Variants in NAALADL2 observed in about 807,000 individuals in gnomAD.
NAALADL2 encodes the protein N-acetylated alpha-linked acidic dipeptidase like 2.
A neutral mutation model predicts 87.2 loss-of-function variants in NAALADL2; 76 were observed. The observed-to-expected ratio is 0.87, with a 90% CI of 0.72 to 1.05. The LOEUF is 1.05. Ranked by LOEUF, NAALADL2 falls within the 50% of genes least tolerant of loss-of-function variation. The pLI is 0.00. For synonymous variants in NAALADL2, 354 were observed against 331.0 expected (o/e 1.07, Z -0.75); for missense variants, 1,089 against 945.8 (o/e 1.15, Z -1.99).
intron 1 of NAALADL2, among the ~76,000 whole-genome samples, chr3:174,495,226 G>T (rs1718449877): frequency 6.9e-6 from 1 of 144,760 alleles, no homozygotes; most frequent in South Asian, 2.2e-4. Context: ...TCAGCAATAT[G>T]TGTAGAGTTG....
At chr3:175,462,953 A>G (rs1173620158) in intron 6 of NAALADL2, among the ~76,000 whole-genome samples, 2 of 152,228 alleles carry the variant, frequency 1.3e-5, no homozygotes, top group Non-Finnish European at 2.9e-5. Flanking sequence ...TGTTAATAAA[A>G]TAGTGAGTCA....
chr3:175,291,937 T>C (rs1161097473), intron 4 of NAALADL2, among the ~76,000 whole-genome samples: 1 of 152,236 alleles, frequency 6.6e-6, no homozygotes, highest in African/African-American at 2.4e-5. Flanking sequence ...CATTTAGCCA[T>C]ATACACAAAG....
At chr3:175,663,670 A>G (rs1732579232) in intron 11 of NAALADL2, among the ~76,000 whole-genome samples, 1 of 151,890 alleles carries the variant, frequency 6.6e-6, no homozygotes, top group Non-Finnish European at 1.5e-5. Flanking sequence ...AATAAATTAG[A>G]GAGTTTTATG....
chr3:174,508,210 T>C (rs943089803), intron 1 of NAALADL2, among the ~76,000 whole-genome samples: 1 of 142,484 alleles, frequency 7.0e-6, no homozygotes, highest in Non-Finnish European at 1.5e-5. Flanking sequence ...GCCTCCCGGG[T>C]TCATGCCATT....
intron 1 of NAALADL2, among the ~76,000 whole-genome samples, chr3:174,517,646 G>C (rs758167058): frequency 1.3e-5 from 2 of 151,930 alleles, no homozygotes; most frequent in Non-Finnish European, 2.9e-5. Flanking sequence ...CTTTTTTGGA[G>C]AGAAGAGATT....
chr3:174,705,493 T>G (rs1260664847), intron 2 of NAALADL2, among the ~76,000 whole-genome samples: 1 of 152,088 alleles, frequency 6.6e-6, no homozygotes, highest in African/African-American at 2.4e-5. Context: ...CTTTAAAAAT[T>G]CCAGTTCTGG....
At chr3:174,836,947 G>GA (rs1308638239) in intron 3 of NAALADL2, among the ~76,000 whole-genome samples, 1 of 151,460 alleles carries the variant, frequency 6.6e-6, no homozygotes, top group East Asian at 1.9e-4. Context: ...ACATAAGATA[G>GA]AAAAAAAATA....
chr3:175,266,539 T>C (rs1197088747), intron 4 of NAALADL2, among the ~76,000 whole-genome samples: 1 of 151,744 alleles, frequency 6.6e-6, no homozygotes, highest in East Asian at 1.9e-4. Flanking sequence ...TCTCATTACT[T>C]TGTTAGCTTG....
At chr3:175,674,043 A>C (rs1165333258) in intron 11 of NAALADL2, among the ~76,000 whole-genome samples, 1 of 152,134 alleles carries the variant, frequency 6.6e-6, no homozygotes, top group African/African-American at 2.4e-5. Context: ...TGGAGATCCT[A>C]GATTCATTAT....
rs187185838 is a variant in NAALADL2 at position 175,315,820 on chromosome 3, G to T, written c.940-8355G>T. 1.5e-3 allele frequency among the ~76,000 whole-genome samples: 235 copies of T among 152,202 alleles called. 1 individual carries two copies. Among genetic ancestry groups the T allele is most frequent in the African/African-American group, 5.3e-3 (222 of 41,554 alleles). On this transcript the variant is annotated intron_variant, in intron 4 of 13. Coordinates refer to ENST00000454872, the MANE Select transcript of NAALADL2 (RefSeq NM_207015.3). ...AAGAAGTTTAATACAAAATTAAAAT[G>T]TTCTTACTATATATTCCCATAAACC... is the stretch of plus-strand genomic sequence containing the variant.
At chr3:174,666,255 G>A (rs1578476572) in intron 2 of NAALADL2, among the ~76,000 whole-genome samples, 2 of 152,058 alleles carry the variant, frequency 1.3e-5, no homozygotes, top group Admixed American at 1.3e-4. Context: ...CATTGAGCTA[G>A]GCCTGTGCAG....
intron 1 of NAALADL2, among the ~76,000 whole-genome samples, chr3:175,045,991 G>A (rs942101557): frequency 9.3e-5 from 14 of 150,564 alleles, no homozygotes; most frequent in African/African-American, 2.7e-4. Flanking sequence ...CCTCCTAACC[G>A]TTAATATGTC....
upstream of NAALADL2, among the ~76,000 whole-genome samples, chr3:174,857,611 CA>C (rs1197713442): frequency 6.6e-6 from 1 of 152,086 alleles, no homozygotes; most frequent in Non-Finnish European, 1.5e-5. Flanking sequence ...GTGATGATTA[CA>C]GTGTTTTATT....
chr3:174,786,221 C>A (rs761586576), intron 3 of NAALADL2, among the ~76,000 whole-genome samples: 1 of 152,028 alleles, frequency 6.6e-6, no homozygotes, highest in South Asian at 2.1e-4. Flanking sequence ...TAGGCCAAGG[C>A]GGGCAGATCA....
At chr3:174,844,865 GGGA>G (rs1724427545) in intron 3 of NAALADL2, among the ~76,000 whole-genome samples, 2 of 74,946 alleles carry the variant, frequency 2.7e-5, no homozygotes, top group African/African-American at 6.1e-5. Context: ...TTTTTTTTGG[GGGA>G]GTCTTTAGGG....
At chr3:174,532,576 C>G (rs1253950242) in intron 1 of NAALADL2, among the ~76,000 whole-genome samples, 1 of 152,024 alleles carries the variant, frequency 6.6e-6, no homozygotes. Context: ...TTCTTGGGTG[C>G]TTATAGAATA....
intron 2 of NAALADL2, among the ~76,000 whole-genome samples, chr3:174,591,121 A>G (rs1717317300): frequency 6.6e-6 from 1 of 152,208 alleles, no homozygotes. Context: ...CTGATAGACT[A>G]AGAACCTTGG....
At chr3:175,688,273 G>GTATT (rs1355953770) in intron 11 of NAALADL2, among the ~76,000 whole-genome samples, 2 of 151,936 alleles carry the variant, frequency 1.3e-5, no homozygotes, top group African/African-American at 4.8e-5. Flanking sequence ...TATTTTCTTG[G>GTATT]TATTTATTAT....
At chr3:175,214,922 A>AC (rs1278863697) in intron 2 of NAALADL2, among the ~76,000 whole-genome samples, 5 of 152,110 alleles carry the variant, frequency 3.3e-5, no homozygotes, top group Admixed American at 3.3e-4. Context: ...TGACACACAC[A>AC]AAAAAATATA....
Sources: gnomAD v4.1 joint callset for allele counts (sites outside exome capture counted in the v4.1 genomes callset) on GRCh38, gnomAD v4.1.1 for gene constraint, MANE v1.5 for transcripts, NCBI Gene and HGNC (gene_info 2026-07-23, HGNC 2026-07-21) for gene names.